USP9X: variants seen among roughly 807,000 people sequenced by gnomAD.
The protein encoded by USP9X is ubiquitin specific peptidase 9 X-linked.
Under a neutral mutation model 190.3 loss-of-function variants are expected in USP9X, and 7 were observed. The observed-to-expected ratio is 0.04, with a 90% CI of 0.02 to 0.07. USP9X has a LOEUF of 0.07. USP9X is among the 10% of genes least tolerant of loss of function. The pLI is 1.00. For synonymous variants in USP9X, 645 were observed against 659.5 expected, an observed-to-expected ratio of 0.98 and a Z score of 0.34; for missense variants, 1,010 against 1,916.9, an observed-to-expected ratio of 0.53 and a Z score of 8.83.
intron 11 of USP9X, 21 bp from the exon 12 acceptor site, chrX:41,148,348 T>C: frequency 8.3e-7 from 1 of 1,207,850 alleles, no homozygotes; most frequent in East Asian, 3.0e-5. Context: ...GTTGTTTTCA[T>C]GTCACTTAAT....
chrX:41,214,842 T>C, intron 34 of USP9X, 133 bp downstream of exon 34: 2 of 658,633 alleles, frequency 3.0e-6, no homozygotes, highest in Non-Finnish European at 4.4e-6. Flanking sequence ...AGCAGAGAAG[T>C]AGTCAATATG....
intron 1 of USP9X, among the ~76,000 whole-genome samples, chrX:41,113,056 A>G (rs1295731065): frequency 8.9e-6 from 1 of 112,237 alleles, no homozygotes; most frequent in Non-Finnish European, 1.9e-5. Context: ...GCTGTGGTAG[A>G]AAAACTGCTG....
Position 41,219,107 on chromosome X carries a change from T to C in USP9X, c.6441T>C (p.Tyr2147=). 1 of 1,208,385 alleles carries C rather than the reference T, an allele frequency of 8.3e-7. No individual in the cohort carries two copies. Among genetic ancestry groups the C allele is most frequent in the Non-Finnish European group, 1.1e-6 (1 of 894,163 alleles). The part of the protein sequence containing the change: ...FASPGPSSQA[Y]DNLSLSDHLL... ...TAATGTTTTATCCTTTACAGGCTTATGACAACTTAAGCTTGAGTGATCACT... is the reference window on the plus strand; with the variant it reads ...TAATGTTTTATCCTTTACAGGCTTACGACAACTTAAGCTTGAGTGATCACT... Residue 2147 remains tyrosine (Y), a synonymous_variant, in exon 38 of 45, where the codon TAT becomes TAC. Coordinates refer to ENST00000378308, the MANE Select transcript of USP9X (RefSeq NM_001039591.3).
intron 14 of USP9X, among the ~76,000 whole-genome samples, chrX:41,159,543 T>G (rs1173759519): frequency 9.0e-6 from 1 of 111,113 alleles, no homozygotes; most frequent in Non-Finnish European, 1.9e-5. Flanking sequence ...TTTTTCTTTT[T>G]TTTTGAGATG....
chrX:41,128,968 C>A (rs776650027), intron 2 of USP9X, 32 bp from the exon 3 acceptor site: 2 of 1,191,054 alleles, frequency 1.7e-6, no homozygotes, highest in South Asian at 1.8e-5. Context: ...GTTATAGAAA[C>A]TTAAATGTGG....
chrX:41,126,388 A>T (rs1184791262), intron 2 of USP9X, among the ~76,000 whole-genome samples: 1 of 111,864 alleles, frequency 8.9e-6, no homozygotes, highest in African/African-American at 3.3e-5. Flanking sequence ...AAAGATTTCT[A>T]ATTTTACACC....
intron 41 of USP9X, among the ~76,000 whole-genome samples, chrX:41,228,229 C>T (rs1397088108): frequency 8.9e-6 from 1 of 112,100 alleles, no homozygotes; most frequent in African/African-American, 3.2e-5. Flanking sequence ...TACTTTATAG[C>T]TGAATAATAT....
chrX:41,188,345 G>T (rs2062900611), intron 25 of USP9X, among the ~76,000 whole-genome samples: 1 of 112,044 alleles, frequency 8.9e-6, no homozygotes, highest in South Asian at 3.7e-4. Context: ...GCCTTTTGCT[G>T]CTTCTTGTGG....
chrX:41,160,228 T>A, intron 14 of USP9X, among the ~76,000 whole-genome samples: 1 of 109,323 alleles, frequency 9.1e-6, no homozygotes, highest in Middle Eastern at 4.7e-3. Flanking sequence ...GAGTCAAAAG[T>A]GGATTATCCT....
intron 39 of USP9X, among the ~76,000 whole-genome samples, chrX:41,223,892 T>C (rs768983602): frequency 8.9e-6 from 1 of 112,215 alleles, no homozygotes; most frequent in South Asian, 3.6e-4. Flanking sequence ...ATACCATGTT[T>C]ATGAAATAGT....
At chrX:41,160,868 G>A (rs1446682554) in intron 14 of USP9X, among the ~76,000 whole-genome samples, 1 of 112,076 alleles carries the variant, frequency 8.9e-6, no homozygotes, top group Non-Finnish European at 1.9e-5. Context: ...TAGAAAAGAT[G>A]TAAAAGGACG....
chrX:41,229,835 T>C (rs766647176), intron 43 of USP9X, 56 bp downstream of exon 43: 2 of 1,203,261 alleles, frequency 1.7e-6, no homozygotes, highest in East Asian at 5.9e-5. Flanking sequence ...AAAGTAATTC[T>C]TTATTTTATA....
At position 41,165,956 on chromosome X, in the gene USP9X, C is replaced by T. The variant is rs2062675690; in HGVS notation, c.2070C>T (p.Tyr690=). Residue 690 remains tyrosine (Y), a synonymous_variant, in exon 16 of 45, where the codon TAC becomes TAT. Coordinates refer to ENST00000378308, the MANE Select transcript of USP9X (RefSeq NM_001039591.3). ...AATGCTTAGCTGAGAATGCAGTTTA[C>T]CTTTGTGATCGTGAAGCCTGTTTTA... ...IWKCLAENAV[Y]LCDREACFKW... is the part of the protein sequence containing the mutation. 1 of 1,209,710 alleles carries T rather than the reference C, an allele frequency of 8.3e-7. No homozygotes were observed. The highest frequency in any genetic ancestry group is 2.2e-5 in the Admixed American group (1 of 45,714).
At chrX:41,197,331 T>TGGCCC in intron 28 of USP9X, 33 bp from the exon 29 acceptor site, 1 of 486,767 alleles carries the variant, frequency 2.1e-6, no homozygotes, top group Non-Finnish European at 2.9e-6. Context: ...TTTGATTTCT[T>TGGCCC]CCCCCCCCCA....
At chrX:41,166,933 A>G (rs2062683089) in intron 16 of USP9X, among the ~76,000 whole-genome samples, 1 of 112,053 alleles carries the variant, frequency 8.9e-6, no homozygotes, top group Non-Finnish European at 1.9e-5. Flanking sequence ...TGAATTGAAC[A>G]AGGAAAATAT....
intron 1 of USP9X, among the ~76,000 whole-genome samples, chrX:41,089,903 G>GTTTTTTTTTTTTTTT (rs139093155): frequency 2.0e-4 from 6 of 30,358 alleles, no homozygotes; most frequent in Admixed American, 5.8e-4. Flanking sequence ...ATCTATGAGG[G>GTTTTTTTTTTTTTTT]TTTTTTTTTT....
intron 1 of USP9X, among the ~76,000 whole-genome samples, chrX:41,087,520 T>C (rs2061922484): frequency 8.9e-6 from 1 of 112,540 alleles, no homozygotes; most frequent in Non-Finnish European, 1.9e-5. Flanking sequence ...AATTATGTAT[T>C]AAATATAAAA....
chrX:41,181,055 T>A (rs913049917), intron 21 of USP9X, among the ~76,000 whole-genome samples: 12 of 111,474 alleles, frequency 1.1e-4, no homozygotes, highest in Admixed American at 8.6e-4. Context: ...AGTGCCCATG[T>A]TATGATTTGC....
At chrX:41,114,507 A>G (rs2062132864) in intron 1 of USP9X, among the ~76,000 whole-genome samples, 2 of 86,299 alleles carry the variant, frequency 2.3e-5, no homozygotes, top group South Asian at 5.5e-4. Flanking sequence ...TTTTGAGACT[A>G]TCTCACTCTG....
Sources: gnomAD v4.1 joint callset for allele counts (sites outside exome capture counted in the v4.1 genomes callset) on GRCh38, gnomAD v4.1.1 for gene constraint, MANE v1.5 for transcripts, NCBI Gene and HGNC (gene_info 2026-07-23, HGNC 2026-07-21) for gene names.